TDRD7: variants seen among roughly 807,000 people sequenced by gnomAD.
The protein encoded by TDRD7 is tudor domain containing 7, also known as tudor domain-containing protein 7.
TDRD7 carries 47 observed loss-of-function variants against 109.8 expected under a neutral mutation model. The ratio of observed to expected loss-of-function variants is 0.43; its 90% CI spans 0.34 to 0.55. The LOEUF (loss-of-function observed/expected upper bound fraction) is 0.55, where lower values mean the gene tolerates loss of function less well. TDRD7 is among the 20% of genes least tolerant of loss of function. The probability of loss-of-function intolerance (pLI) is 0.03; values close to 1 mark genes in which losing one functional copy is unlikely to be tolerated. For missense variants in TDRD7, 1,164 were observed against 1,319.2 expected (o/e 0.88, Z 1.82); for synonymous variants, 424 against 457.3 (o/e 0.93, Z 0.93).
chr9:97,450,493 A>G (rs985727200), intron 6 of TDRD7, among the ~76,000 whole-genome samples: 3 of 152,206 alleles, frequency 2.0e-5, no homozygotes, highest in African/African-American at 7.2e-5. Flanking sequence ...CCATGTTTCA[A>G]GTAGATGTTG....
At chr9:97,414,711 GA>G (rs1327784407) in intron 1 of TDRD7, among the ~76,000 whole-genome samples, 1 of 152,002 alleles carries the variant, frequency 6.6e-6, no homozygotes, top group East Asian at 1.9e-4. Flanking sequence ...ATAACTCCCT[GA>G]AAAAAACTCT....
chr9:97,488,560 G>GTTTTTTT (rs61689126), intron 16 of TDRD7, among the ~76,000 whole-genome samples: 15 of 140,640 alleles, frequency 1.1e-4, no homozygotes, highest in East Asian at 2.1e-4. Flanking sequence ...AGATTTAATG[G>GTTTTTTT]TTTTTTTTTT....
chr9:97,468,003 T>C (rs1564208935), intron 8 of TDRD7, among the ~76,000 whole-genome samples: 3 of 152,228 alleles, frequency 2.0e-5, no homozygotes. Flanking sequence ...GTGCCATTTG[T>C]TGAAATTGGG....
At position 97,491,840 on chromosome 9, in the gene TDRD7, A is replaced by G. The variant is rs913954330; in HGVS notation, c.3077-3823A>G. On this transcript the variant is annotated intron_variant, in intron 16 of 16. Coordinates refer to ENST00000355295, the MANE Select transcript of TDRD7 (RefSeq NM_014290.3). The stretch of plus-strand genomic sequence containing the variant: ...AAAATGTTCCTTTTCTCCTCCCCCA[A>G]CTGGAAGCATGAGGAGATTTTTCCC... Among the ~76,000 whole-genome samples, 8 of 152,166 alleles carry G rather than the reference A, an allele frequency of 5.3e-5. No individual in the cohort carries two copies. The East Asian group carries it at 1.2e-3, about 22-fold the overall frequency.
chr9:97,441,334 A>G (rs1217765388), intron 5 of TDRD7, among the ~76,000 whole-genome samples: 3 of 152,140 alleles, frequency 2.0e-5, no homozygotes, highest in African/African-American at 7.2e-5. Context: ...GCAGGTAGAA[A>G]ACGGTTGGTT....
intron 4 of TDRD7, 77 bp from the exon 5 acceptor site, chr9:97,439,168 A>G: frequency 1.8e-6 from 2 of 1,098,678 alleles, no homozygotes; most frequent in Non-Finnish European, 1.3e-6. Context: ...ACTTTAAATG[A>G]AAAGTGTAGT....
intron 1 of TDRD7, among the ~76,000 whole-genome samples, chr9:97,413,922 C>T (rs543714265): frequency 1.1e-4 from 16 of 152,332 alleles, no homozygotes; most frequent in Non-Finnish European, 2.2e-4. Context: ...AGATTTTAAA[C>T]TCCTTGCAGA....
intron 10 of TDRD7, among the ~76,000 whole-genome samples, chr9:97,473,200 A>G (rs1162716794): frequency 6.6e-6 from 1 of 152,224 alleles, no homozygotes; most frequent in Non-Finnish European, 1.5e-5. Context: ...GAGAAAATAA[A>G]CCAACATTAA....
At chr9:97,413,576 A>G (rs969656386) in intron 1 of TDRD7, among the ~76,000 whole-genome samples, 2 of 152,218 alleles carry the variant, frequency 1.3e-5, no homozygotes, top group African/African-American at 2.4e-5. Flanking sequence ...TGTTTACTAT[A>G]TAATATAAAT....
rs753730578 is a variant in TDRD7, at chr9:97,460,225, T to G, written c.903T>G (p.Ala301=). ...SGGQDLLLYP[A]KRKQLLRSEL... ...GCCAAGATTTACTTCTTTATCCAGC[T>G]AAGAGAAAGCAGCTTTTGAGAAGTG... Residue 301 remains alanine (A), a synonymous_variant, in exon 7 of 17, where the codon GCT becomes GCG. Coordinates refer to ENST00000355295, the MANE Select transcript of TDRD7 (RefSeq NM_014290.3). 3.7e-6 allele frequency: 6 copies of G among 1,614,142 alleles called. No homozygotes were observed. The African/African-American group carries it at 6.7e-5, about 18-fold the overall frequency.
At chr9:97,464,696 A>G in intron 7 of TDRD7, 146 bp from the exon 8 acceptor site, 1 of 791,698 alleles carries the variant, frequency 1.3e-6, no homozygotes, top group Non-Finnish European at 2.1e-6. Flanking sequence ...TTCACTGAAT[A>G]CACGTTCTCC....
Position 97,495,788 on chromosome 9 carries a change from G to T in TDRD7, c.3202G>T (p.Val1068Leu). 1 of 1,614,190 alleles carries T rather than the reference G, an allele frequency of 6.2e-7. No homozygotes were observed. Among genetic ancestry groups the T allele is most frequent in the South Asian group, 1.1e-5 (1 of 91,086 alleles). ...ENANPWDRKV[V>L]VYLVDTSLPD... Reference sequence around the variant, plus strand: ...TGCTAACCCTTGGGACCGGAAAGTAGTGGTCTACTTAGTGGACACATCGTT... The same window carrying T: ...TGCTAACCCTTGGGACCGGAAAGTATTGGTCTACTTAGTGGACACATCGTT... The change falls in exon 17 of 17, where the codon GTG (valine) becomes TTG (leucine). Residue 1068 changes from valine (V) to leucine (L), a missense_variant. By Grantham distance (32) the Val-to-Leu change is conservative. Transcript: ENST00000355295.
chr9:97,439,990 A>G (rs2118355923), intron 5 of TDRD7, among the ~76,000 whole-genome samples: 1 of 152,262 alleles, frequency 6.6e-6, no homozygotes, highest in Admixed American at 6.5e-5. Context: ...GTGAAATGTA[A>G]ATGTGATTTT....
At chr9:97,495,298 A>T (rs1377484286) in intron 16 of TDRD7, among the ~76,000 whole-genome samples, 1 of 152,156 alleles carries the variant, frequency 6.6e-6, no homozygotes, top group Admixed American at 6.5e-5. Flanking sequence ...CAGAAAAAAA[A>T]TTTTTAATGA....
intron 6 of TDRD7, among the ~76,000 whole-genome samples, chr9:97,450,589 G>T (rs1326835435): frequency 2.0e-5 from 3 of 152,170 alleles, no homozygotes; most frequent in African/African-American, 7.2e-5. Flanking sequence ...AATCTTTTCA[G>T]ATGCACCAGA....
At chr9:97,479,241 A>G (rs1829075026) in intron 13 of TDRD7, among the ~76,000 whole-genome samples, 1 of 152,240 alleles carries the variant, frequency 6.6e-6, no homozygotes, top group Non-Finnish European at 1.5e-5. Flanking sequence ...AACATTGTCC[A>G]TAATTAGCAT....
intron 6 of TDRD7, among the ~76,000 whole-genome samples, chr9:97,459,198 C>G (rs1456747041): frequency 6.6e-6 from 1 of 152,204 alleles, no homozygotes; most frequent in Non-Finnish European, 1.5e-5. Context: ...CTAACAGATG[C>G]AGTCCATCAC....
At chr9:97,441,314 A>G (rs909139934) in intron 5 of TDRD7, among the ~76,000 whole-genome samples, 8 of 152,178 alleles carry the variant, frequency 5.3e-5, no homozygotes, top group Middle Eastern at 3.2e-3. Context: ...ATAAAATGCA[A>G]TCTTCCTCAG....
At chr9:97,441,972 A>AT in intron 6 of TDRD7, 97 bp downstream of exon 6, 2 of 1,010,450 alleles carry the variant, frequency 2.0e-6, no homozygotes. Context: ...CCCAGAAGAC[A>AT]AAGCACTTTA....
Sources: gnomAD v4.1 joint callset for allele counts (sites outside exome capture counted in the v4.1 genomes callset) on GRCh38, gnomAD v4.1.1 for gene constraint, MANE v1.5 for transcripts, NCBI Gene and HGNC (gene_info 2026-07-23, HGNC 2026-07-21) for gene names.